Variants in SFMBT2 observed in about 807,000 individuals in gnomAD.
SFMBT2 encodes Scm like with four mbt domains 2.
SFMBT2 carries 38 observed loss-of-function variants against 110.1 expected under a neutral mutation model. The observed-to-expected ratio is 0.35, with a 90% CI of 0.27 to 0.45. SFMBT2 has a LOEUF of 0.45. Ranked by LOEUF, SFMBT2 falls within the 20% of genes least tolerant of loss-of-function variation. SFMBT2 has a pLI of 1.00. For missense variants in SFMBT2, 1,011 were observed against 1,094.9 expected, an observed-to-expected ratio of 0.92 and a Z score of 1.08; for synonymous variants, 425 against 425.4, an observed-to-expected ratio of 1.00 and a Z score of 0.01.
intron 16 of SFMBT2, among the ~76,000 whole-genome samples, chr10:7,180,272 C>T (rs890527684): frequency 1.3e-5 from 2 of 151,628 alleles, no homozygotes; most frequent in African/African-American, 4.9e-5. Flanking sequence ...ATACAGGTGC[C>T]CACCACCACG....
At chr10:7,382,712 G>A (rs1247034653) in intron 1 of SFMBT2, among the ~76,000 whole-genome samples, 4 of 152,232 alleles carry the variant, frequency 2.6e-5, no homozygotes, top group East Asian at 1.9e-4. Flanking sequence ...AAGTCCTCAC[G>A]TGTTACACAT....
intron 7 of SFMBT2, among the ~76,000 whole-genome samples, chr10:7,269,868 T>C (rs528949607): frequency 3.3e-5 from 5 of 151,386 alleles, no homozygotes; most frequent in African/African-American, 1.2e-4. Flanking sequence ...GCTAAGACAG[T>C]TGGATCCTCA....
At chr10:7,334,498 G>C (rs1251789762) in intron 4 of SFMBT2, among the ~76,000 whole-genome samples, 2 of 152,204 alleles carry the variant, frequency 1.3e-5, no homozygotes, top group Non-Finnish European at 2.9e-5. Context: ...ACGGGGACTA[G>C]AACACTGTGT....
At position 7,162,949 on chromosome 10, in the gene SFMBT2, A is replaced by G. The variant is rs1837586525; in HGVS notation, c.*821T>C. On this transcript the variant is annotated 3_prime_UTR_variant, in exon 21 of 21. Transcript: ENST00000397167. The stretch of plus-strand genomic sequence containing the variant: ...GAAACCCTGTCTCTACCAAAAATAC[A>G]AAAATTAGCCAGGCATGGTGGTGGG... 6.6e-6 allele frequency: 1 copy of G among 152,464 alleles called. No homozygotes were observed. The highest frequency in any genetic ancestry group is 2.4e-5 in the African/African-American group (1 of 41,414). The allele number at this position is 152,464 out of a possible 1,614,324, so 9.4% of individuals were successfully genotyped here.
chr10:7,175,738 CTCT>C (rs1191891724), intron 17 of SFMBT2, among the ~76,000 whole-genome samples: 11 of 134,980 alleles, frequency 8.1e-5, no homozygotes, highest in African/African-American at 2.7e-4. Flanking sequence ...CACACAGTTC[CTCT>C]TCTTCTTTTC....
At chr10:7,248,324 C>T (rs529378722) in intron 8 of SFMBT2, among the ~76,000 whole-genome samples, 2 of 152,342 alleles carry the variant, frequency 1.3e-5, no homozygotes, top group African/African-American at 4.8e-5. Context: ...AAAATTCACC[C>T]TATCCATGAT....
chr10:7,172,787 T>C lies in SFMBT2; in HGVS notation c.1985-126A>G. 1 of 1,225,380 alleles carries C rather than the reference T, an allele frequency of 8.2e-7. No individual in the cohort carries two copies. The highest frequency in any genetic ancestry group is 2.1e-4 in the Middle Eastern group (1 of 4,814). 75.9% of individuals were successfully genotyped at this position (1,225,380 alleles called of 1,614,324 possible). ...AGTTCATTTGTGCCTTACGAAGTCATTCTGAGAAAACAGACCCACAGGAGA... is the reference window on the plus strand; with the variant it reads ...AGTTCATTTGTGCCTTACGAAGTCACTCTGAGAAAACAGACCCACAGGAGA... On this transcript the variant is annotated intron_variant, in intron 17 of 20. Transcript: ENST00000397167. This position sits in a 1 kb window ranked among gnomAD's most constrained non-coding sequence, Gnocchi z 4.6.
intron 20 of SFMBT2, among the ~76,000 whole-genome samples, chr10:7,165,079 C>T (rs1269096292): frequency 6.6e-6 from 1 of 152,136 alleles, no homozygotes; most frequent in Admixed American, 6.5e-5. Flanking sequence ...AACCGCAATC[C>T]TCCCTCCTAT....
intron 8 of SFMBT2, among the ~76,000 whole-genome samples, chr10:7,245,606 A>G (rs1488265082): frequency 1.3e-5 from 2 of 152,250 alleles, no homozygotes; most frequent in Non-Finnish European, 2.9e-5. Context: ...GACTTGCCCA[A>G]GACTGCACAG....
At chr10:7,385,109 A>G (rs1330170368) in intron 1 of SFMBT2, among the ~76,000 whole-genome samples, 1 of 152,212 alleles carries the variant, frequency 6.6e-6, no homozygotes, top group East Asian at 1.9e-4. Context: ...GGCACTCTGT[A>G]AACAAACTAC....
rs530903460 is a variant in SFMBT2 at position 7,184,433 on chromosome 10, G to A, written c.1808+4191C>T. The stretch of plus-strand genomic sequence containing the variant: ...ATGTGAGATGTGCCTTTCACCTTCC[G>A]CTGTGATTATGAGGCCTCCCCAGCC... On this transcript the variant is annotated intron_variant, in intron 16 of 20. Transcript: ENST00000397167. Among the ~76,000 whole-genome samples the A allele has an allele frequency of 6.2e-4, 94 of 152,104 alleles. No individual in the cohort carries two copies. The South Asian group carries it at 7.5e-3, about 12-fold the overall frequency.
At chr10:7,362,442 G>T (rs188123595) in intron 4 of SFMBT2, among the ~76,000 whole-genome samples, 2 of 152,284 alleles carry the variant, frequency 1.3e-5, no homozygotes, top group East Asian at 1.9e-4. Flanking sequence ...ACTGCACAGG[G>T]TCCTAAGTGC....
intron 11 of SFMBT2, chr10:7,206,196 C>T: frequency 1.0e-6 from 1 of 985,318 alleles, no homozygotes; most frequent in Non-Finnish European, 1.2e-6. Context: ...AGATACTCTG[C>T]CCTAAAAGTA....
At chr10:7,341,276 CA>C (rs1843893821) in intron 4 of SFMBT2, among the ~76,000 whole-genome samples, 1 of 152,140 alleles carries the variant, frequency 6.6e-6, no homozygotes, top group Admixed American at 6.5e-5. Context: ...TCTGAAAATG[CA>C]AAATATGGGG....
chr10:7,267,396 C>T (rs545587414), intron 7 of SFMBT2, among the ~76,000 whole-genome samples: 5 of 152,228 alleles, frequency 3.3e-5, no homozygotes, highest in South Asian at 2.1e-4. Flanking sequence ...AGGTGTGAAG[C>T]GGAGAGAGGC....
chr10:7,323,411 A>C (rs971081002), intron 4 of SFMBT2, among the ~76,000 whole-genome samples: 2 of 146,244 alleles, frequency 1.4e-5, no homozygotes, highest in Admixed American at 1.4e-4. Context: ...AGATCATGCC[A>C]CTGCACTCCA....
At chr10:7,235,655 T>C (rs1840230369) in intron 9 of SFMBT2, among the ~76,000 whole-genome samples, 1 of 151,416 alleles carries the variant, frequency 6.6e-6, no homozygotes, top group African/African-American at 2.4e-5. Flanking sequence ...CACAAACATA[T>C]CCATCACAAA....
At chr10:7,276,517 G>T (rs534474983) in intron 7 of SFMBT2, among the ~76,000 whole-genome samples, 1 of 152,202 alleles carries the variant, frequency 6.6e-6, no homozygotes, top group South Asian at 2.1e-4. Flanking sequence ...AGTGGAAAAG[G>T]ATTTGGTATG....
chr10:7,313,737 G>A (rs965251958), intron 4 of SFMBT2, among the ~76,000 whole-genome samples: 3 of 152,146 alleles, frequency 2.0e-5, no homozygotes. Flanking sequence ...TCTCGCCTTG[G>A]CTCCCAAAGT....
Sources: gnomAD v4.1 joint callset for allele counts (sites outside exome capture counted in the v4.1 genomes callset) on GRCh38, gnomAD v4.1.1 for gene constraint, Gnocchi (gnomAD v3.1) non-coding constraint, MANE v1.5 for transcripts, NCBI Gene and HGNC (gene_info 2026-07-23, HGNC 2026-07-21) for gene names.